Variants in CA8 observed in about 807,000 individuals in gnomAD.
The protein encoded by CA8 is carbonic anhydrase-related protein.
CA8 carries 22 observed loss-of-function variants against 41.4 expected under a neutral mutation model. That is an observed-to-expected ratio of 0.53 (90% CI 0.38 to 0.76). The LOEUF (loss-of-function observed/expected upper bound fraction) is 0.76, where lower values mean the gene tolerates loss of function less well. CA8 is among the 30% of genes least tolerant of loss of function. The probability of loss-of-function intolerance (pLI) is 0.00; values close to 1 mark genes in which losing one functional copy is unlikely to be tolerated. For synonymous variants in CA8, 121 were observed against 130.6 expected (o/e 0.93, Z 0.50); for missense variants, 270 against 352.8 (o/e 0.77, Z 1.88).
chr8:60,229,620 G>C (rs1807571380), intron 4 of CA8, among the ~76,000 whole-genome samples: 1 of 152,112 alleles, frequency 6.6e-6, no homozygotes, highest in African/African-American at 2.4e-5. Context: ...TTCCACCTGA[G>C]CAAACCAACC....
chr8:60,262,356 C>T (rs1193740926), intron 3 of CA8, among the ~76,000 whole-genome samples: 2 of 134,084 alleles, frequency 1.5e-5, no homozygotes, highest in Non-Finnish European at 3.2e-5. Context: ...AAAAAAAAAT[C>T]ATATAGCATT....
intron 7 of CA8, among the ~76,000 whole-genome samples, chr8:60,220,814 T>C (rs1807218375): frequency 1.3e-5 from 2 of 152,184 alleles, no homozygotes; most frequent in Non-Finnish European, 1.5e-5. Context: ...CAGTTCTAGC[T>C]AACAGAAAGC....
At position 60,244,095 on chromosome 8, in the gene CA8, C is replaced by T. The variant is rs145079916; in HGVS notation, c.418-11716G>A. 4.0e-4 allele frequency among the ~76,000 whole-genome samples: 61 copies of T among 152,298 alleles called. No individual in the cohort carries two copies. In the East Asian group the frequency reaches 0.011, roughly 27 times the overall value. Reference sequence around the variant, plus strand: ...CGGACTGTGTCTTTGTCTTCAGTTCCCACCTCTGGTGATGGAACCCAAGCC... The same window carrying T: ...CGGACTGTGTCTTTGTCTTCAGTTCTCACCTCTGGTGATGGAACCCAAGCC... On this transcript the variant is annotated intron_variant, in intron 3 of 8. Coordinates refer to ENST00000317995, the MANE Select transcript of CA8 (RefSeq NM_004056.6).
intron 2 of CA8, among the ~76,000 whole-genome samples, chr8:60,275,128 A>C (rs1161215004): frequency 6.6e-6 from 1 of 152,180 alleles, no homozygotes; most frequent in Non-Finnish European, 1.5e-5. Context: ...GGAAACAAGC[A>C]TATTCCAGAT....
At chr8:60,201,550 G>C (rs756516054) in intron 8 of CA8, among the ~76,000 whole-genome samples, 2 of 152,166 alleles carry the variant, frequency 1.3e-5, no homozygotes, top group Non-Finnish European at 2.9e-5. Flanking sequence ...GAGAGATCCA[G>C]TAAAATGAGG....
chr8:60,213,982 T>A (rs111632782), intron 7 of CA8, among the ~76,000 whole-genome samples: 5 of 152,264 alleles, frequency 3.3e-5, no homozygotes, highest in Admixed American at 2.6e-4. Flanking sequence ...AAAGTTTAAG[T>A]TGTCAGCAAC....
At chr8:60,241,791 T>C (rs1808038161) in intron 3 of CA8, among the ~76,000 whole-genome samples, 1 of 152,036 alleles carries the variant, frequency 6.6e-6, no homozygotes, top group Non-Finnish European at 1.5e-5. Context: ...TGCAATTAAA[T>C]TGCTATAACT....
At position 60,189,490 on chromosome 8, in the gene CA8, A is replaced by G. The variant is rs1246051492; in HGVS notation, c.*531T>C. On this transcript the variant is annotated 3_prime_UTR_variant, in exon 9 of 9. Coordinates refer to ENST00000317995, the MANE Select transcript of CA8 (RefSeq NM_004056.6). ...TTAATTGTGGTATGGGTGCTGAAAA[A>G]ATAAAATGAGACATAATTTTACTAA... 6.6e-6 allele frequency: 1 copy of G among 152,158 alleles called. No homozygotes were observed. Among genetic ancestry groups the G allele is most frequent in the Non-Finnish European group, 1.5e-5 (1 of 68,020 alleles). The allele number at this position is 152,158 out of a possible 1,614,324, so 9.4% of individuals were successfully genotyped here.
intron 4 of CA8, among the ~76,000 whole-genome samples, chr8:60,229,808 G>C (rs1327582693): frequency 6.6e-6 from 1 of 152,118 alleles, no homozygotes; most frequent in Non-Finnish European, 1.5e-5. Flanking sequence ...CTCCTGCCTA[G>C]ACATGGTGTG....
At chr8:60,198,978 C>T (rs1343723492) in intron 8 of CA8, among the ~76,000 whole-genome samples, 1 of 151,928 alleles carries the variant, frequency 6.6e-6, no homozygotes, top group African/African-American at 2.4e-5. Context: ...TGTATCTATA[C>T]TAAAATCCGA....
In CA8 at chr8:60,185,892, T is replaced by C. The variant is rs1805950483; in HGVS notation, c.*4129A>G. Among the ~76,000 whole-genome samples, 1 of 151,952 alleles carries C rather than the reference T, an allele frequency of 6.6e-6. No individual in the cohort carries two copies. Among genetic ancestry groups the C allele is most frequent in the South Asian group, 2.1e-4 (1 of 4,830 alleles). On this transcript the variant is annotated 3_prime_UTR_variant, in exon 9 of 9. Coordinates refer to ENST00000317995, the MANE Select transcript of CA8 (RefSeq NM_004056.6). ...ACTGGTAAATGTAATTATGTAATTA[T>C]GAAAGACAGTATAAATGCATTTCTT...
At chr8:60,226,699 G>A (rs1465872891) in intron 5 of CA8, among the ~76,000 whole-genome samples, 174 bp downstream of exon 5, 8 of 152,078 alleles carry the variant, frequency 5.3e-5, no homozygotes, top group Non-Finnish European at 8.8e-5. Context: ...CATTCCATGC[G>A]CCTTTTCCCT....
intron 3 of CA8, among the ~76,000 whole-genome samples, chr8:60,250,014 T>C (rs1808392609): frequency 6.6e-6 from 1 of 152,164 alleles, no homozygotes; most frequent in African/African-American, 2.4e-5. Context: ...ATAATATCCC[T>C]TTGGTGAAGT....
chr8:60,272,934 T>C (rs1789752985), intron 2 of CA8, among the ~76,000 whole-genome samples: 1 of 152,220 alleles, frequency 6.6e-6, no homozygotes, highest in African/African-American at 2.4e-5. Flanking sequence ...TCTGGCAAAG[T>C]AGGCCTGCTC....
In CA8 at chr8:60,258,760, G is replaced by A. The variant is rs531793975; in HGVS notation, c.417+7165C>T. On this transcript the variant is annotated intron_variant, in intron 3 of 8. Transcript: ENST00000317995. ...TAAATTCTCATCAGGAGTGTGCAACGTAGATCCCTCACATGCGCAGTTCAC... is the reference window on the plus strand; with the variant it reads ...TAAATTCTCATCAGGAGTGTGCAACATAGATCCCTCACATGCGCAGTTCAC... Among the ~76,000 whole-genome samples the A allele has an allele frequency of 3.9e-5, 6 of 152,178 alleles. No homozygotes were observed. The South Asian group carries it at 8.3e-4, about 21-fold the overall frequency.
chr8:60,251,683 A>C (rs567128672), intron 3 of CA8, among the ~76,000 whole-genome samples: 1 of 152,366 alleles, frequency 6.6e-6, no homozygotes, highest in East Asian at 1.9e-4. Context: ...CCAAATAAGA[A>C]GGTTAGAAGA....
At chr8:60,271,071 A>G (rs1432461427) in intron 2 of CA8, among the ~76,000 whole-genome samples, 1 of 152,220 alleles carries the variant, frequency 6.6e-6, no homozygotes, top group Non-Finnish European at 1.5e-5. Context: ...AGCCAGGTAC[A>G]GTGGCTCACA....
chr8:60,211,240 A>C lies in CA8; in HGVS notation c.739-2321T>G, dbSNP rs551664897. Among the ~76,000 whole-genome samples, 3 of 152,384 alleles carry C rather than the reference A, an allele frequency of 2.0e-5. No homozygotes were observed. In the East Asian group the frequency reaches 5.8e-4, roughly 29 times the overall value. On this transcript the variant is annotated intron_variant, in intron 7 of 8. Transcript: ENST00000317995. The stretch of plus-strand genomic sequence containing the variant: ...TCCAAGCACATAGGAAGTGTCTGAC[A>C]AATACTAGCACTTCTATTGCACAAC...
rs1463369169 is a variant in CA8 at position 60,188,669 on chromosome 8, G to A, written c.*1352C>T. 1 of 152,244 alleles carries A rather than the reference G, an allele frequency of 6.6e-6. No homozygotes were observed. Among genetic ancestry groups the A allele is most frequent in the Non-Finnish European group, 1.5e-5 (1 of 68,106 alleles). The allele number at this position is 152,244 out of a possible 1,614,324, so 9.4% of individuals were successfully genotyped here. A position where few individuals can be genotyped will look rare whatever the true frequency, so the allele number is the denominator to read the frequency against. On this transcript the variant is annotated 3_prime_UTR_variant, in exon 9 of 9. Coordinates refer to ENST00000317995, the MANE Select transcript of CA8 (RefSeq NM_004056.6). ...CCTGGTGCTGACCCCATGTGATCCAGGGCTACCAACAGATCTCAACCCTTA... is the reference window on the plus strand; with the variant it reads ...CCTGGTGCTGACCCCATGTGATCCAAGGCTACCAACAGATCTCAACCCTTA...
Sources: gnomAD v4.1 joint callset for allele counts (sites outside exome capture counted in the v4.1 genomes callset) on GRCh38, gnomAD v4.1.1 for gene constraint, MANE v1.5 for transcripts, NCBI Gene and HGNC (gene_info 2026-07-23, HGNC 2026-07-21) for gene names.